MTR: variants seen among roughly 807,000 people sequenced by gnomAD.
MTR encodes methionine synthase.
A neutral mutation model predicts 154.8 loss-of-function variants in MTR; 84 were observed. That is an observed-to-expected ratio of 0.54 (90% CI 0.45 to 0.65). MTR has a LOEUF of 0.65. MTR is among the 30% of genes least tolerant of loss of function. The probability of loss-of-function intolerance (pLI) is 0.00; values close to 1 mark genes in which losing one functional copy is unlikely to be tolerated. For missense variants in MTR, 1,275 were observed against 1,570.2 expected, an observed-to-expected ratio of 0.81 and a Z score of 3.18; for synonymous variants, 554 against 553.9, an observed-to-expected ratio of 1.00 and a Z score of 0.00.
intron 2 of MTR, 122 bp from the exon 3 acceptor site, chr1:236,806,022 C>T: frequency 1.2e-6 from 1 of 817,804 alleles, no homozygotes; most frequent in Non-Finnish European, 2.1e-6. Context: ...AATGCAGTGC[C>T]TTACTCTTAG....
chr1:236,797,970 AAAC>A (rs1400802163), intron 1 of MTR, among the ~76,000 whole-genome samples: 43 of 149,770 alleles, frequency 2.9e-4, no homozygotes, highest in African/African-American at 9.1e-4. Flanking sequence ...AAAAAAAACA[AAAC>A]AAAACAAAAC....
intron 7 of MTR, 76 bp downstream of exon 7, chr1:236,815,739 G>A: frequency 7.1e-7 from 1 of 1,405,328 alleles, no homozygotes; most frequent in East Asian, 2.3e-5. Flanking sequence ...CCCCCGCTTT[G>A]CATAGTAGAA....
chr1:236,825,898 T>C (rs913012044), intron 10 of MTR, among the ~76,000 whole-genome samples: 6 of 152,276 alleles, frequency 3.9e-5, no homozygotes, highest in African/African-American at 1.4e-4. Flanking sequence ...CTTGAATTTT[T>C]AGCTTCTGTT....
intron 22 of MTR, among the ~76,000 whole-genome samples, chr1:236,869,157 G>T (rs1252520786): frequency 2.0e-5 from 3 of 152,218 alleles, no homozygotes; most frequent in African/African-American, 7.2e-5. Flanking sequence ...TACCTTAAAA[G>T]GATGCAGATG....
intron 1 of MTR, among the ~76,000 whole-genome samples, chr1:236,798,698 T>C (rs1350402562): frequency 6.6e-6 from 1 of 152,252 alleles, no homozygotes; most frequent in East Asian, 1.9e-4. Context: ...TATATTCTTA[T>C]ATTTACTGTG....
At chr1:236,854,941 ATTC>A (rs1013044678) in intron 18 of MTR, among the ~76,000 whole-genome samples, 1 of 152,220 alleles carries the variant, frequency 6.6e-6, no homozygotes, top group Non-Finnish European at 1.5e-5. Flanking sequence ...GAATTTCCTC[ATTC>A]TTAATGTAAC....
At chr1:236,873,503 T>C (rs1665255657) in intron 22 of MTR, among the ~76,000 whole-genome samples, 1 of 152,178 alleles carries the variant, frequency 6.6e-6, no homozygotes, top group Non-Finnish European at 1.5e-5. Flanking sequence ...AACCATTGAA[T>C]TGCACACTTG....
rs1389522645 is a variant in MTR at position 236,897,314 on chromosome 1, A to ACGCGCGCG, written c.3711+197_3711+198insGCGCGCGC. Among the ~76,000 whole-genome samples the ACGCGCGCG allele has an allele frequency of 4.8e-3, 385 of 80,890 alleles. 1 individual carries two copies. The highest frequency in any genetic ancestry group is 0.016 in the African/African-American group (370 of 22,630). 53.1% of individuals were successfully genotyped at this position (80,890 alleles called of 152,430 possible). On this transcript the variant is annotated intron_variant, in intron 32 of 32. Coordinates refer to ENST00000366577, the MANE Select transcript of MTR (RefSeq NM_000254.3). ...CTACATGCAAGCCACACACACGCAC[A>ACGCGCGCG]CACACACACACACACACACACACAC...
intron 7 of MTR, 36 bp downstream of exon 7, chr1:236,815,699 A>G (rs376066834): frequency 6.1e-5 from 56 of 921,914 alleles, no homozygotes; most frequent in Non-Finnish European, 1.7e-5. Context: ...ACATTCTTTT[A>G]TTAATAATTG....
Position 236,880,817 on chromosome 1 carries a change from C to T in MTR, c.2657C>T (p.Ala886Val), listed in dbSNP as rs1223665501. ...YSAPVIHVLD[A>V]SKSVVVCSQL... ...GCACCTGTAATCCATGTCCTGGACG[C>T]GTCCAAGAGTGTGGTGGTGGTAAGT... The change falls in exon 25 of 33, where the codon GCG becomes GTG. Residue 886 changes from alanine (A) to valine (V), a missense_variant. By Grantham distance (64) the Ala-to-Val change is moderately conservative (BLOSUM62 0). Coordinates refer to ENST00000366577, the MANE Select transcript of MTR (RefSeq NM_000254.3). The T allele has an allele frequency of 4.3e-6, 7 of 1,614,076 alleles. No homozygotes were observed. Among genetic ancestry groups the T allele is most frequent in the East Asian group, 2.2e-5 (1 of 44,882 alleles).
chr1:236,820,083 C>T (rs1163557253), intron 8 of MTR: 2 of 773,084 alleles, frequency 2.6e-6, no homozygotes, highest in Admixed American at 1.7e-5. Context: ...CGCTGTGTAA[C>T]ACAGATTCCC....
At chr1:236,879,989 TA>T (rs34152972) in intron 24 of MTR, among the ~76,000 whole-genome samples, 101 of 144,898 alleles carry the variant, frequency 7.0e-4, no homozygotes, top group Admixed American at 1.4e-3. Context: ...CCATCTCTAC[TA>T]AAAAAAAAAA....
intron 14 of MTR, among the ~76,000 whole-genome samples, chr1:236,837,202 A>G (rs1662957988): frequency 1.3e-5 from 2 of 152,200 alleles, no homozygotes; most frequent in Non-Finnish European, 1.5e-5. Context: ...TTGTCATTGC[A>G]TTTGACCCTT....
intron 6 of MTR, 147 bp from the exon 7 acceptor site, chr1:236,815,457 C>A: frequency 2.5e-6 from 2 of 791,562 alleles, no homozygotes; most frequent in East Asian, 5.2e-5. Context: ...GGGGTTGTGC[C>A]TTATAAGGAA....
chr1:236,855,058 C>T (rs948415679), intron 18 of MTR, among the ~76,000 whole-genome samples: 2 of 152,176 alleles, frequency 1.3e-5, no homozygotes, highest in African/African-American at 4.8e-5. Flanking sequence ...AAACAGGTAT[C>T]CTCTAATAAC....
At chr1:236,858,319 T>C (rs1664321175) in intron 18 of MTR, among the ~76,000 whole-genome samples, 3 of 152,134 alleles carry the variant, frequency 2.0e-5, no homozygotes, top group African/African-American at 7.2e-5. Flanking sequence ...TTAGATCTTG[T>C]GAGACTTACT....
Position 236,897,722 on chromosome 1 carries a change from C to T in MTR, c.*78C>T, listed in dbSNP as rs1379210043. On this transcript the variant is annotated 3_prime_UTR_variant, in exon 33 of 33. Transcript: ENST00000366577. ...ACCTAGGGTGCCTTAAAAATAACAA[C>T]AACAAAAAACCTGTGTGCATCTGGC... The T allele has an allele frequency of 7.8e-7, 1 of 1,274,380 alleles. No homozygotes were observed. Among genetic ancestry groups the T allele is most frequent in the Non-Finnish European group, 1.1e-6 (1 of 885,158 alleles). 78.9% of individuals were successfully genotyped at this position (1,274,380 alleles called of 1,614,324 possible).
chr1:236,881,320 C>A (rs1212563522), intron 25 of MTR, among the ~76,000 whole-genome samples: 1 of 152,100 alleles, frequency 6.6e-6, no homozygotes, highest in Non-Finnish European at 1.5e-5. Context: ...ACAATTCACC[C>A]ACGTCCTGCT....
chr1:236,815,476 T>C, intron 6 of MTR, 128 bp from the exon 7 acceptor site: 1 of 905,306 alleles, frequency 1.1e-6, no homozygotes, highest in South Asian at 1.4e-5. Context: ...AAGACACTTC[T>C]TCCCAGAGAG....
Sources: gnomAD v4.1 joint callset for allele counts (sites outside exome capture counted in the v4.1 genomes callset) on GRCh38, gnomAD v4.1.1 for gene constraint, MANE v1.5 for transcripts, NCBI Gene and HGNC (gene_info 2026-07-23, HGNC 2026-07-21) for gene names.